The following CLEC17A variants were observed in gnomAD, a reference collection of about 807,000 sequenced individuals.
CLEC17A encodes C-type lectin domain family 17, member A.
CLEC17A carries 37 observed loss-of-function variants against 61.3 expected under a neutral mutation model. The observed-to-expected ratio is 0.60, with a 90% CI of 0.46 to 0.79. CLEC17A has a LOEUF of 0.79. Ranked by LOEUF, CLEC17A falls within the 30% of genes least tolerant of loss-of-function variation. The pLI, the probability that CLEC17A is intolerant of heterozygous loss-of-function variation, is 0.00. For missense variants in CLEC17A, 418 were observed against 464.7 expected (o/e 0.90, Z 0.92); for synonymous variants, 168 against 164.9 (o/e 1.02, Z -0.14).
intron 13 of CLEC17A, among the ~76,000 whole-genome samples, chr19:14,608,091 T>C (rs1322102328): frequency 2.6e-5 from 4 of 151,904 alleles, no homozygotes; most frequent in Non-Finnish European, 4.4e-5. Flanking sequence ...AGGCTGGTTT[T>C]GAACTTCTGA....
intron 12 of CLEC17A, among the ~76,000 whole-genome samples, chr19:14,605,206 T>G (rs1278763536): frequency 6.6e-6 from 1 of 151,980 alleles, no homozygotes; most frequent in Non-Finnish European, 1.5e-5. Context: ...CAAGCAATTC[T>G]CCTCTCTCAG....
chr19:14,582,965 ATGTGTGTGTGTG>A (rs35999236), upstream of CLEC17A: 1 of 551,004 alleles, frequency 1.8e-6, no homozygotes, highest in Non-Finnish European at 3.3e-6. Context: ...CTCTGTGTGT[ATGTGTGTGTGTG>A]TGTGTGTGTG....
At chr19:14,583,043 G>A, upstream of CLEC17A, 1 of 1,059,944 alleles carries the variant, frequency 9.4e-7, no homozygotes, top group African/African-American at 1.6e-5. Flanking sequence ...GAATTTGCAT[G>A]TATTTGACTT....
Position 14,586,247 on chromosome 19 carries a change from T to C in CLEC17A, c.122-1367T>C, listed in dbSNP as rs543333815. On this transcript the variant is annotated intron_variant, in intron 2 of 13. Coordinates refer to ENST00000417570, the MANE Select transcript of CLEC17A (RefSeq NM_001204118.2). Reference sequence around the variant, plus strand: ...TTCAAGTGATTCTCCTGACTCAGCCTCCCTGGCAGCGGGATTACAGGCATG... The same window carrying C: ...TTCAAGTGATTCTCCTGACTCAGCCCCCCTGGCAGCGGGATTACAGGCATG... Among the ~76,000 whole-genome samples the C allele has an allele frequency of 1.2e-4, 18 of 151,782 alleles. No individual in the cohort carries two copies. The East Asian group carries it at 3.1e-3, about 26-fold the overall frequency.
At chr19:14,595,938 TAGTAGAGGC>T (rs2074536260) in intron 8 of CLEC17A, among the ~76,000 whole-genome samples, 1 of 3,594 alleles carries the variant, frequency 2.8e-4, no homozygotes, top group Non-Finnish European at 6.3e-4. Context: ...TTGGTGATGA[TAGTAGAGGC>T]AGTGATGGTA....
intron 12 of CLEC17A, among the ~76,000 whole-genome samples, chr19:14,602,882 C>T (rs982138193): frequency 2.0e-5 from 3 of 151,842 alleles, no homozygotes; most frequent in Admixed American, 1.3e-4. Flanking sequence ...ATTACAGGCG[C>T]CCACCACCAT....
At chr19:14,592,479 T>G (rs2074444395) in intron 4 of CLEC17A, 121 bp downstream of exon 4, 1 of 1,527,430 alleles carries the variant, frequency 6.5e-7, no homozygotes, top group African/African-American at 1.4e-5. Context: ...TGCCAGGCAC[T>G]GTGCAACACA....
At chr19:14,584,604 A>C (rs1049646620) in intron 2 of CLEC17A, among the ~76,000 whole-genome samples, 20 of 152,128 alleles carry the variant, frequency 1.3e-4, no homozygotes, top group African/African-American at 4.3e-4. Context: ...AAGTGGGGCC[A>C]CCTGGGAGGT....
intron 2 of CLEC17A, among the ~76,000 whole-genome samples, chr19:14,585,896 A>G (rs1263184103): frequency 2.7e-5 from 4 of 149,400 alleles, no homozygotes; most frequent in Non-Finnish European, 6.0e-5. Flanking sequence ...TTGTGCAGCC[A>G]TAGATAACTG....
At chr19:14,602,308 G>A (rs907851976) in intron 12 of CLEC17A, among the ~76,000 whole-genome samples, 4 of 151,726 alleles carry the variant, frequency 2.6e-5, no homozygotes, top group African/African-American at 9.7e-5. Context: ...TGTATTTTTG[G>A]AGACAGGGTC....
chr19:14,596,602 C>G (rs2074557921), intron 8 of CLEC17A, among the ~76,000 whole-genome samples: 1 of 152,138 alleles, frequency 6.6e-6, no homozygotes, highest in Non-Finnish European at 1.5e-5. Context: ...CCACTGCCCT[C>G]CAGCCTGGAT....
At chr19:14,594,233 C>T (rs187788325) in intron 4 of CLEC17A, among the ~76,000 whole-genome samples, 12 of 152,016 alleles carry the variant, frequency 7.9e-5, no homozygotes, top group Admixed American at 6.6e-4. Flanking sequence ...GATGAGATCA[C>T]GCCACTGCAC....
chr19:14,596,872 C>G lies in CLEC17A; in HGVS notation c.446-4C>G. The G allele has an allele frequency of 1.2e-6, 2 of 1,608,156 alleles. No homozygotes were observed. Among genetic ancestry groups the G allele is most frequent in the Non-Finnish European group, 1.7e-6 (2 of 1,177,636 alleles). ...GTCTCTCTGTTCCCATCCCCACTCC[C>G]CAGCAACTCCAGTCCCCTGGCTCAA... On this transcript the variant is annotated splice_polypyrimidine_tract_variant and splice_region_variant and intron_variant, in intron 8 of 13. Coordinates refer to ENST00000417570, the MANE Select transcript of CLEC17A (RefSeq NM_001204118.2).
Position 14,583,136 on chromosome 19 carries a change from A to G in CLEC17A, c.-25A>G. ...CAGAGGTTGCCAAGCCCTGGCTGCC[A>G]CTTGTCAGGTTCCCTGTGCTAGACA... On this transcript the variant is annotated 5_prime_UTR_variant, in exon 1 of 14. Coordinates refer to ENST00000417570, the MANE Select transcript of CLEC17A (RefSeq NM_001204118.2). The G allele has an allele frequency of 1.9e-6, 3 of 1,613,974 alleles. No individual in the cohort carries two copies. Among genetic ancestry groups the G allele is most frequent in the South Asian group, 1.1e-5 (1 of 91,050 alleles).
At position 14,591,373 on chromosome 19, in the gene CLEC17A, C is replaced by G. The variant is rs2074411866; in HGVS notation, c.200-908C>G. On this transcript the variant is annotated intron_variant, in intron 3 of 13. Transcript: ENST00000417570. ...GTTTCACCATGTTAGCCAGGATAGT[C>G]TCGATCTCCTGACCTTGTGATCTGA... 2.0e-5 allele frequency among the ~76,000 whole-genome samples: 3 copies of G among 151,732 alleles called. No homozygotes were observed. In the South Asian group the frequency reaches 6.2e-4, roughly 32 times the overall value.
At position 14,587,805 on chromosome 19, in the gene CLEC17A, C is replaced by T. The variant is rs369765776; in HGVS notation, c.199+114C>T. 3.6e-5 allele frequency: 56 copies of T among 1,539,214 alleles called. 3 individuals carry two copies. The highest frequency in any genetic ancestry group is 2.9e-4 in the African/African-American group (21 of 73,162). ...AGTCTCCTCTCTACACAGCCCATGC[C>T]GGGCACTGTGGAACCCACACCCTGC... On this transcript the variant is annotated intron_variant, in intron 3 of 13. Transcript: ENST00000417570.
chr19:14,590,794 C>T (rs549521566), intron 3 of CLEC17A, among the ~76,000 whole-genome samples: 28 of 152,102 alleles, frequency 1.8e-4, no homozygotes, highest in African/African-American at 6.5e-4. Context: ...TCAAGCAATC[C>T]TCCCACCTCA....
At chr19:14,583,863 G>T (rs895818470) in intron 2 of CLEC17A, among the ~76,000 whole-genome samples, 1 of 152,062 alleles carries the variant, frequency 6.6e-6, no homozygotes, top group African/African-American at 2.4e-5. Context: ...CAAAGCCCAG[G>T]TTTTATTTAG....
At chr19:14,592,687 A>G (rs556965495) in intron 4 of CLEC17A, among the ~76,000 whole-genome samples, 9 of 151,522 alleles carry the variant, frequency 5.9e-5, no homozygotes, top group African/African-American at 2.2e-4. Flanking sequence ...TTTTTTTGAG[A>G]TGGAATTTCA....
Sources: allele counts gnomAD v4.1 joint callset (sites outside exome capture counted in the v4.1 genomes callset), GRCh38; gene constraint gnomAD v4.1.1; transcripts MANE v1.5; gene names NCBI Gene and HGNC (gene_info 2026-07-23, HGNC 2026-07-21).